ATRNL1: variants seen among roughly 807,000 people sequenced by gnomAD.
ATRNL1 encodes the protein attractin-like protein 1.
Under a neutral mutation model 182.7 loss-of-function variants are expected in ATRNL1, and 95 were observed. That is an observed-to-expected ratio of 0.52 (90% CI 0.44 to 0.62). The LOEUF is 0.62. ATRNL1 is among the 20% of genes least tolerant of loss of function. The pLI, the probability that ATRNL1 is intolerant of heterozygous loss-of-function variation, is 0.00. For synonymous variants in ATRNL1, 576 were observed against 568.3 expected (o/e 1.01, Z -0.19); for missense variants, 1,471 against 1,679.5 (o/e 0.88, Z 2.17).
intron 2 of ATRNL1, among the ~76,000 whole-genome samples, chr10:115,121,188 C>T (rs191669829): frequency 6.6e-6 from 1 of 152,204 alleles, no homozygotes; most frequent in Admixed American, 6.5e-5. Context: ...TCTCGGCTCA[C>T]TGCAGCCTCT....
intron 5 of ATRNL1, among the ~76,000 whole-genome samples, chr10:115,149,876 C>CTT (rs57382865): frequency 2.7e-4 from 33 of 123,276 alleles, no homozygotes; most frequent in African/African-American, 7.6e-4. Context: ...TCTCCTTTTC[C>CTT]TTTTTTTTTT....
chr10:115,756,953 C>T (rs1948606338), intron 27 of ATRNL1, among the ~76,000 whole-genome samples: 1 of 152,104 alleles, frequency 6.6e-6, no homozygotes. Flanking sequence ...GGTTTAACAT[C>T]TGTTTTATTA....
intron 27 of ATRNL1, among the ~76,000 whole-genome samples, chr10:115,817,194 T>C (rs1950184419): frequency 6.6e-6 from 1 of 151,944 alleles, no homozygotes; most frequent in Non-Finnish European, 1.5e-5. Context: ...GAATTTAAGC[T>C]CCATCTCGTG....
At chr10:115,863,989 A>G (rs10885822) in intron 28 of ATRNL1, among the ~76,000 whole-genome samples, 29,667 of 152,220 alleles carry the variant, frequency 0.19, 2,877 homozygotes, top group South Asian at 0.28. Context: ...GTATTGGATT[A>G]TTACTCAATA....
At chr10:115,850,498 A>C (rs1375009194) in intron 28 of ATRNL1, among the ~76,000 whole-genome samples, 1 of 152,158 alleles carries the variant, frequency 6.6e-6, no homozygotes, top group Non-Finnish European at 1.5e-5. Flanking sequence ...ATTTGAGAGG[A>C]AATATATCCC....
At chr10:115,898,167 T>C (rs7905925) in intron 28 of ATRNL1, among the ~76,000 whole-genome samples, 28,627 of 152,164 alleles carry the variant, frequency 0.19, 8,391 homozygotes, top group African/African-American at 0.63. Context: ...CCTCATGATC[T>C]GCCCACCTTG....
intron 25 of ATRNL1, among the ~76,000 whole-genome samples, chr10:115,528,626 A>G (rs981502842): frequency 1.1e-4 from 16 of 150,564 alleles, no homozygotes; most frequent in East Asian, 3.9e-4. Flanking sequence ...TATTTTCTCT[A>G]TTGTTTATCT....
At chr10:115,645,910 T>C (rs954723100) in intron 26 of ATRNL1, among the ~76,000 whole-genome samples, 1 of 152,056 alleles carries the variant, frequency 6.6e-6, no homozygotes, top group Non-Finnish European at 1.5e-5. Flanking sequence ...TTTTAGTCCT[T>C]GGCATCTCAA....
At chr10:115,737,902 T>G (rs538168519) in intron 27 of ATRNL1, among the ~76,000 whole-genome samples, 9 of 152,132 alleles carry the variant, frequency 5.9e-5, no homozygotes, top group Non-Finnish European at 7.4e-5. Flanking sequence ...TGGGTCTTGA[T>G]GCTGGTTCCT....
chr10:115,287,947 T>C (rs1416959957), intron 15 of ATRNL1, among the ~76,000 whole-genome samples: 1 of 110,738 alleles, frequency 9.0e-6, no homozygotes, highest in East Asian at 2.3e-4. Flanking sequence ...TTTTTTTTTT[T>C]AGCTTCCACT....
At chr10:115,444,974 G>T (rs572099598) in intron 21 of ATRNL1, among the ~76,000 whole-genome samples, 19 of 151,468 alleles carry the variant, frequency 1.3e-4, no homozygotes, top group African/African-American at 4.6e-4. Context: ...CAGGTGATCT[G>T]CCCGCCTTGG....
chr10:115,681,426 A>C (rs1435937195), intron 26 of ATRNL1, among the ~76,000 whole-genome samples: 1 of 152,086 alleles, frequency 6.6e-6, no homozygotes, highest in Non-Finnish European at 1.5e-5. Context: ...CCCCACTTTA[A>C]AGATGTCAAA....
At chr10:115,918,652 C>A (rs1367090951) in intron 28 of ATRNL1, among the ~76,000 whole-genome samples, 1 of 152,142 alleles carries the variant, frequency 6.6e-6, no homozygotes, top group Non-Finnish European at 1.5e-5. Context: ...ACAGCCAGAA[C>A]CTCTTCAGTG....
intron 8 of ATRNL1, among the ~76,000 whole-genome samples, chr10:115,191,534 C>A (rs1554889839): frequency 6.6e-6 from 1 of 152,030 alleles, no homozygotes; most frequent in Non-Finnish European, 1.5e-5. Flanking sequence ...CCACCCAAAT[C>A]TCAATTGAAT....
At chr10:115,558,870 C>G (rs1442658735) in intron 26 of ATRNL1, among the ~76,000 whole-genome samples, 1 of 152,088 alleles carries the variant, frequency 6.6e-6, no homozygotes, top group Non-Finnish European at 1.5e-5. Flanking sequence ...CCTTCCTACC[C>G]CCTTCTAGCT....
intron 24 of ATRNL1, among the ~76,000 whole-genome samples, chr10:115,501,815 T>C (rs1264380967): frequency 6.6e-6 from 1 of 152,224 alleles, no homozygotes; most frequent in Non-Finnish European, 1.5e-5. Context: ...GTTCAGTCCA[T>C]GCAGTTAATT....
intron 21 of ATRNL1, among the ~76,000 whole-genome samples, chr10:115,430,046 G>A (rs1846083334): frequency 6.6e-6 from 1 of 152,170 alleles, no homozygotes; most frequent in Admixed American, 6.5e-5. Flanking sequence ...ACTCCAGCCT[G>A]GGTGGCAGAG....
At chr10:115,734,673 T>A (rs1947897049) in intron 27 of ATRNL1, among the ~76,000 whole-genome samples, 1 of 152,094 alleles carries the variant, frequency 6.6e-6, no homozygotes, top group East Asian at 1.9e-4. Context: ...CTGCTATAAA[T>A]GTTTTCTCTC....
intron 19 of ATRNL1, among the ~76,000 whole-genome samples, chr10:115,342,984 A>G (rs1554938827): frequency 6.6e-6 from 1 of 152,072 alleles, no homozygotes; most frequent in African/African-American, 2.4e-5. Context: ...GTCTGCCGCC[A>G]GATGTATTGG....
Sources: allele counts gnomAD v4.1 joint callset (sites outside exome capture counted in the v4.1 genomes callset), GRCh38; gene constraint gnomAD v4.1.1; transcripts MANE v1.5; gene names NCBI Gene and HGNC (gene_info 2026-07-23, HGNC 2026-07-21).